SCIN: variants seen among roughly 807,000 people sequenced by gnomAD.
SCIN encodes the protein scinderin.
Under a neutral mutation model 91.8 loss-of-function variants are expected in SCIN, and 91 were observed. That is an observed-to-expected ratio of 0.99 (90% CI 0.84 to 1.18). The LOEUF (loss-of-function observed/expected upper bound fraction) is 1.18, where lower values mean the gene tolerates loss of function less well. SCIN is among the 50% of genes most tolerant of loss of function. SCIN has a pLI of 0.00. For missense variants in SCIN, 1,087 were observed against 863.9 expected (o/e 1.26, Z -3.24); for synonymous variants, 367 against 312.6 (o/e 1.17, Z -1.84).
At chr7:12,611,512 A>C (rs1773915321) in intron 4 of SCIN, among the ~76,000 whole-genome samples, 2 of 152,288 alleles carry the variant, frequency 1.3e-5, no homozygotes, top group African/African-American at 4.8e-5. Flanking sequence ...GTACATTTAA[A>C]TAAAGAATGA....
intron 3 of SCIN, chr7:12,588,808 T>TGGGGGG (rs1184493769): frequency 1.3e-4 from 1 of 7,974 alleles, no homozygotes; most frequent in Admixed American, 1.2e-3. Context: ...CTGCATTGGG[T>TGGGGGG]GGGGGGGGGG....
chr7:12,578,208 T>C lies in SCIN; in HGVS notation c.344T>C (p.Leu115Pro). Reference sequence around the variant, plus strand: ...TTTGTTAGCTATTTCAAAGGCGGTCTGAAATACAAGGTAAGCAGCTCCCTC... The same window carrying C: ...TTTGTTAGCTATTTCAAAGGCGGTCCGAAATACAAGGTAAGCAGCTCCCTC... ...NDFVSYFKGG[L>P]KYKAGGVASG... The change falls in exon 2 of 16, where the codon CTG (leucine) becomes CCG (proline). Residue 115 changes from leucine to proline, a missense_variant. Leu to Pro is a moderately conservative substitution (Grantham distance 98, BLOSUM62 -3). Coordinates refer to ENST00000297029, the MANE Select transcript of SCIN (RefSeq NM_001112706.3). The C allele has an allele frequency of 6.5e-7, 1 of 1,546,748 alleles. No individual in the cohort carries two copies. Among genetic ancestry groups the C allele is most frequent in the Non-Finnish European group, 8.7e-7 (1 of 1,144,722 alleles).
chr7:12,587,957 C>G (rs537591134), intron 3 of SCIN, among the ~76,000 whole-genome samples: 1 of 152,198 alleles, frequency 6.6e-6, no homozygotes, highest in Non-Finnish European at 1.5e-5. Flanking sequence ...AAACAGCATC[C>G]TCACTTACTC....
At chr7:12,593,220 TGCCCTTGG>T (rs1291340999) in intron 3 of SCIN, among the ~76,000 whole-genome samples, 3 of 152,198 alleles carry the variant, frequency 2.0e-5, no homozygotes, top group African/African-American at 4.8e-5. Context: ...AGGTCTTTTG[TGCCCTTGG>T]GTACTATGGC....
At chr7:12,637,122 T>G (rs1268723676) in intron 10 of SCIN, among the ~76,000 whole-genome samples, 3 of 152,124 alleles carry the variant, frequency 2.0e-5, no homozygotes, top group Non-Finnish European at 4.4e-5. Flanking sequence ...CATTTCAGAC[T>G]TATGACCTCC....
chr7:12,600,025 A>C (rs1782926027), intron 3 of SCIN, among the ~76,000 whole-genome samples: 2 of 152,024 alleles, frequency 1.3e-5, no homozygotes, highest in African/African-American at 2.4e-5. Context: ...GTTAAGTCCT[A>C]TCTATTTACC....
intron 13 of SCIN, 44 bp from the exon 14 acceptor site, chr7:12,649,423 T>G: frequency 7.6e-7 from 1 of 1,322,582 alleles, no homozygotes; most frequent in Non-Finnish European, 1.0e-6. Context: ...ATTAGAAAAA[T>G]TACTGCTTTA....
At chr7:12,610,137 T>C (rs976197618) in intron 4 of SCIN, among the ~76,000 whole-genome samples, 10 of 152,200 alleles carry the variant, frequency 6.6e-5, no homozygotes, top group African/African-American at 2.4e-4. Context: ...TTTATGATGT[T>C]AGCATATAGT....
chr7:12,622,599 C>A (rs1583305278), intron 4 of SCIN, among the ~76,000 whole-genome samples: 1 of 152,012 alleles, frequency 6.6e-6, no homozygotes, highest in East Asian at 1.9e-4. Flanking sequence ...CAAGCAACCT[C>A]AGTGCTTGTT....
chr7:12,648,817 A>G (rs77048498), intron 13 of SCIN, among the ~76,000 whole-genome samples: 2,898 of 152,298 alleles, frequency 0.019, 48 homozygotes, highest in Middle Eastern at 0.048. Context: ...ACGCTTAAAT[A>G]TATAGTTTAT....
intron 15 of SCIN, 118 bp from the exon 16 acceptor site, chr7:12,652,470 A>G (rs925101173): frequency 1.1e-6 from 1 of 926,554 alleles, no homozygotes; most frequent in African/African-American, 1.7e-5. Context: ...TGTAGCCAAT[A>G]TTTATTTGTT....
intron 10 of SCIN, among the ~76,000 whole-genome samples, 194 bp downstream of exon 10, chr7:12,636,329 A>T (rs1303364105): frequency 1.3e-5 from 2 of 152,244 alleles, no homozygotes; most frequent in African/African-American, 4.8e-5. Context: ...GAGGTAGCAA[A>T]CAAAAACAAC....
intron 9 of SCIN, among the ~76,000 whole-genome samples, chr7:12,632,122 TTA>T (rs1491263115): frequency 1.2e-4 from 17 of 143,448 alleles, no homozygotes; most frequent in African/African-American, 4.5e-4. Context: ...TTATTTTATT[TTA>T]TTTTATTTTA....
chr7:12,579,590 A>G (rs1430890426), intron 2 of SCIN, among the ~76,000 whole-genome samples: 1 of 152,146 alleles, frequency 6.6e-6, no homozygotes, highest in Admixed American at 6.5e-5. Flanking sequence ...GTTTCCTCAT[A>G]CAGGTGTTGT....
Position 12,640,333 on chromosome 7 carries a change from CT to C in SCIN, c.1411-13del, listed in dbSNP as rs747802306. 2.6e-6 allele frequency: 4 copies of C among 1,559,838 alleles called. No individual in the cohort carries two copies. The highest frequency in any genetic ancestry group is 3.5e-6 in the Non-Finnish European group (4 of 1,154,952). On this transcript the variant is annotated splice_polypyrimidine_tract_variant and intron_variant, in intron 10 of 15. Coordinates refer to ENST00000297029, the MANE Select transcript of SCIN (RefSeq NM_001112706.3). ...CTTAATTATATTTCTTTTATTCCCC[CT>C]CTCCCCCATCAGATCCGAGTCTCCC...
intron 4 of SCIN, among the ~76,000 whole-genome samples, chr7:12,605,182 G>T (rs1178105025): frequency 6.6e-6 from 1 of 152,046 alleles, no homozygotes; most frequent in African/African-American, 2.4e-5. Flanking sequence ...CTCCCTAGTA[G>T]CTGGGACTAC....
chr7:12,580,587 A>G (rs1782467377), intron 2 of SCIN, among the ~76,000 whole-genome samples: 2 of 152,126 alleles, frequency 1.3e-5, no homozygotes, highest in Non-Finnish European at 2.9e-5. Flanking sequence ...CTCAACAACC[A>G]TCTCTGTCCC....
At chr7:12,582,640 A>G (rs1019688425) in intron 3 of SCIN, among the ~76,000 whole-genome samples, 1 of 152,204 alleles carries the variant, frequency 6.6e-6, no homozygotes, top group Admixed American at 6.5e-5. Context: ...TTCATGGGAA[A>G]GTCCTTTTCA....
rs933789509 is a variant in SCIN at position 12,657,280 on chromosome 7, G to C, written c.*4565G>C. The C allele has an allele frequency of 7.5e-6, 1 of 133,618 alleles. No individual in the cohort carries two copies. The highest frequency in any genetic ancestry group is 2.8e-5 in the African/African-American group (1 of 35,978). The allele number at this position is 133,618 out of a possible 1,614,324, so 8.3% of individuals were successfully genotyped here. A position where few individuals can be genotyped will look rare whatever the true frequency, so the allele number is the denominator to read the frequency against. On this transcript the variant is annotated 3_prime_UTR_variant, in exon 16 of 16. Coordinates refer to ENST00000297029, the MANE Select transcript of SCIN (RefSeq NM_001112706.3). ...GTTGCCCAGGCTGGAGTACAGTAGC[G>C]ATCTCTGCTCACTGCAATCTCTGCC...
Sources: gnomAD v4.1 joint callset for allele counts (sites outside exome capture counted in the v4.1 genomes callset) on GRCh38, gnomAD v4.1.1 for gene constraint, MANE v1.5 for transcripts, NCBI Gene and HGNC (gene_info 2026-07-23, HGNC 2026-07-21) for gene names.